Variants in BLK observed in about 807,000 individuals in gnomAD.
BLK encodes the protein tyrosine-protein kinase Blk.
In BLK, 64 loss-of-function variants were observed where a neutral mutation model predicts 61.8. The observed-to-expected ratio is 1.03, with a 90% CI of 0.85 to 1.27. The LOEUF (loss-of-function observed/expected upper bound fraction) is 1.27, where lower values mean the gene tolerates loss of function less well. Among genes scored for constraint, BLK ranks in the 50% most tolerant of loss-of-function variants. BLK has a pLI of 0.00. For synonymous variants in BLK, 351 were observed against 272.0 expected (o/e 1.29, Z -2.86); for missense variants, 853 against 660.5 (o/e 1.29, Z -3.19).
chr8:11,562,229 C>T (rs193071449), intron 11 of BLK, among the ~76,000 whole-genome samples: 13 of 152,290 alleles, frequency 8.5e-5, no homozygotes, highest in Admixed American at 2.6e-4. Flanking sequence ...TTAGGGTGTC[C>T]ACGGAGCACT....
intron 1 of BLK, among the ~76,000 whole-genome samples, chr8:11,537,497 G>A (rs1420633144): frequency 6.6e-6 from 1 of 152,162 alleles, no homozygotes; most frequent in Admixed American, 6.5e-5. Context: ...AAACTATTTT[G>A]CCACAGGGGA....
At chr8:11,527,474 CTT>C (rs569354838) in intron 1 of BLK, among the ~76,000 whole-genome samples, 22 of 143,852 alleles carry the variant, frequency 1.5e-4, no homozygotes, top group Admixed American at 2.1e-4. Context: ...ATTTTTCTTT[CTT>C]TTTTTTTTTT....
At chr8:11,523,136 G>A (rs1799518800) in intron 1 of BLK, among the ~76,000 whole-genome samples, 1 of 152,184 alleles carries the variant, frequency 6.6e-6, no homozygotes. Flanking sequence ...TCATCTAGGA[G>A]TGAGGAAGAC....
intron 1 of BLK, among the ~76,000 whole-genome samples, chr8:11,535,182 AGAAAGAAAGAAAGAAG>A (rs1262966072): frequency 8.8e-5 from 12 of 136,972 alleles, no homozygotes; most frequent in Non-Finnish European, 1.6e-4. Context: ...GATGAATGAA[AGAAAGAAAGAAAGAAG>A]GAAAGAAAGA....
At chr8:11,546,417 A>C (rs1313482323) in intron 3 of BLK, among the ~76,000 whole-genome samples, 1 of 152,154 alleles carries the variant, frequency 6.6e-6, no homozygotes, top group Non-Finnish European at 1.5e-5. Flanking sequence ...AAATATGCTA[A>C]CTCTCAAACG....
rs560279895 is a variant in BLK, at chr8:11,517,918, A to G, written c.-2+23327A>G. ...CCAGAGAAATGCATTTTCCCATAGC[A>G]TTGAGGGCACCCCAGCCCTGTGCCC... On this transcript the variant is annotated intron_variant, in intron 1 of 12. Transcript: ENST00000259089. 5.3e-5 allele frequency among the ~76,000 whole-genome samples: 8 copies of G among 152,266 alleles called. No homozygotes were observed. The East Asian group carries it at 9.7e-4, about 18-fold the overall frequency.
intron 1 of BLK, among the ~76,000 whole-genome samples, chr8:11,517,515 A>G (rs1254318380): frequency 6.6e-6 from 1 of 152,126 alleles, no homozygotes; most frequent in African/African-American, 2.4e-5. Flanking sequence ...GCACGCCTGG[A>G]TGTTCCAGAT....
chr8:11,520,567 G>A (rs933275384), intron 1 of BLK, among the ~76,000 whole-genome samples: 6 of 151,024 alleles, frequency 4.0e-5, no homozygotes, highest in Admixed American at 3.3e-4. Context: ...ATAATCAAAG[G>A]CATCCCTGTA....
At chr8:11,532,966 G>C (rs1002357945) in intron 1 of BLK, among the ~76,000 whole-genome samples, 21 of 152,340 alleles carry the variant, frequency 1.4e-4, no homozygotes, top group African/African-American at 4.6e-4. Context: ...AGGAGCCTGA[G>C]TTTCTTCATC....
intron 6 of BLK, among the ~76,000 whole-genome samples, chr8:11,551,665 C>G (rs904068060): frequency 2.0e-5 from 3 of 152,192 alleles, no homozygotes; most frequent in Non-Finnish European, 4.4e-5. Context: ...GTTAGCCATT[C>G]TCATGTTGTG....
At chr8:11,515,972 G>A (rs1799209192) in intron 1 of BLK, among the ~76,000 whole-genome samples, 1 of 152,238 alleles carries the variant, frequency 6.6e-6, no homozygotes, top group South Asian at 2.1e-4. Context: ...GGATGGGTGT[G>A]CACTCGCGTG....
intron 6 of BLK, chr8:11,553,543 C>T: frequency 4.2e-6 from 1 of 236,472 alleles, no homozygotes. Flanking sequence ...GAGCGGGCTC[C>T]TGGGCTCATC....
chr8:11,545,154 C>T (rs978978147), intron 2 of BLK, among the ~76,000 whole-genome samples: 4 of 152,312 alleles, frequency 2.6e-5, no homozygotes, highest in South Asian at 2.1e-4. Flanking sequence ...TGAAACATAT[C>T]GACGTTGATG....
chr8:11,498,305 G>A (rs1798430166), intron 1 of BLK, among the ~76,000 whole-genome samples: 1 of 152,168 alleles, frequency 6.6e-6, no homozygotes, highest in African/African-American at 2.4e-5. Flanking sequence ...GAGGTTCTGT[G>A]CTTAATAGAT....
At chr8:11,529,480 G>C (rs1033434488) in intron 1 of BLK, among the ~76,000 whole-genome samples, 2 of 152,136 alleles carry the variant, frequency 1.3e-5, no homozygotes, top group Non-Finnish European at 1.5e-5. Context: ...GATCTGGGTG[G>C]TGCCAGCTGA....
chr8:11,543,626 C>T (rs1409967529), intron 2 of BLK, among the ~76,000 whole-genome samples: 5 of 152,022 alleles, frequency 3.3e-5, no homozygotes, highest in African/African-American at 7.2e-5. Flanking sequence ...AGGAAGGATC[C>T]GGGTATCTAG....
chr8:11,505,256 G>A (rs1798725521), intron 1 of BLK, among the ~76,000 whole-genome samples: 1 of 152,190 alleles, frequency 6.6e-6, no homozygotes, highest in Non-Finnish European at 1.5e-5. Flanking sequence ...CTAGTCACTT[G>A]AGTATCATCC....
At chr8:11,531,365 G>C (rs1380793465) in intron 1 of BLK, among the ~76,000 whole-genome samples, 1 of 151,800 alleles carries the variant, frequency 6.6e-6, no homozygotes, top group Non-Finnish European at 1.5e-5. Flanking sequence ...TATTCTAAGG[G>C]AATAATCTAT....
chr8:11,550,053 C>G (rs1172285883), intron 5 of BLK, 106 bp from the exon 6 acceptor site: 1 of 1,046,638 alleles, frequency 9.6e-7, no homozygotes, highest in African/African-American at 1.6e-5. Context: ...ACCAGAAATG[C>G]TAGATTTTTA....
Sources: allele counts gnomAD v4.1 joint callset (sites outside exome capture counted in the v4.1 genomes callset), GRCh38; gene constraint gnomAD v4.1.1; transcripts MANE v1.5; gene names NCBI Gene and HGNC (gene_info 2026-07-23, HGNC 2026-07-21).